The following FUT8 variants were observed in gnomAD, a reference collection of about 807,000 sequenced individuals.
The protein encoded by FUT8 is alpha-(1,6)-fucosyltransferase.
Under a neutral mutation model 71.3 loss-of-function variants are expected in FUT8, and 29 were observed. That is an observed-to-expected ratio of 0.41 (90% confidence interval 0.30 to 0.55). The LOEUF (loss-of-function observed/expected upper bound fraction) is 0.55, where lower values mean the gene tolerates loss of function less well. FUT8 is among the 20% of genes least tolerant of loss of function. The pLI is 0.34. For missense variants in FUT8, 544 were observed against 702.1 expected, an observed-to-expected ratio of 0.77 and a Z score of 2.55; for synonymous variants, 254 against 239.3, an observed-to-expected ratio of 1.06 and a Z score of -0.57.
chr14:65,523,857 C>T (rs1427565604), intron 2 of FUT8, among the ~76,000 whole-genome samples: 2 of 152,150 alleles, frequency 1.3e-5, no homozygotes, highest in African/African-American at 4.8e-5. Flanking sequence ...TTGTTTTTGT[C>T]AGGTTTGTCA....
intron 7 of FUT8, among the ~76,000 whole-genome samples, chr14:65,679,667 G>A (rs1358146436): frequency 1.3e-5 from 2 of 152,088 alleles, no homozygotes; most frequent in East Asian, 3.9e-4. Context: ...ATCTCTTTGT[G>A]CATATATATT....
Position 65,451,344 on chromosome 14 carries a change from C to T in FUT8, c.-325-4277C>T, listed in dbSNP as rs574920985. Among the ~76,000 whole-genome samples the T allele has an allele frequency of 5.9e-5, 9 of 152,366 alleles. 1 individual carries two copies. In the South Asian group the frequency reaches 1.0e-3, roughly 18 times the overall value. ...GCATATGAGTGGGTGCCGGAACGGC[C>T]GGATGCTTTAGCCACAGCAGGAGTG... On this transcript the variant is annotated intron_variant, in intron 1 of 10. Coordinates refer to ENST00000673929, the MANE Select transcript of FUT8 (RefSeq NM_001371533.1).
chr14:65,616,949 T>TA, intron 5 of FUT8: 1 of 958,674 alleles, frequency 1.0e-6, no homozygotes, highest in Non-Finnish European at 1.5e-6. Context: ...TGCTAAATAA[T>TA]ATGAAGTTTA....
chr14:65,729,034 G>GTTTTTTTT (rs557668131), intron 9 of FUT8, among the ~76,000 whole-genome samples: 24 of 103,666 alleles, frequency 2.3e-4, no homozygotes, highest in African/African-American at 3.9e-4. Flanking sequence ...TTGTAAACAT[G>GTTTTTTTT]TTTTTTTTTT....
At chr14:65,432,465 TC>T (rs1175532639) in intron 1 of FUT8, among the ~76,000 whole-genome samples, 1 of 151,974 alleles carries the variant, frequency 6.6e-6, no homozygotes, top group Non-Finnish European at 1.5e-5. Flanking sequence ...ATCTTTGTAT[TC>T]CCCGTCAGAT....
chr14:65,677,151 T>TGTGCGTGTGTGTGTGTGCGC, intron 7 of FUT8, among the ~76,000 whole-genome samples: 1 of 110,702 alleles, frequency 9.0e-6, no homozygotes, highest in Non-Finnish European at 1.8e-5. Flanking sequence ...TGTGTGTGTG[T>TGTGCGTGTGTGTGTGTGCGC]GCGCGCGCGC....
At chr14:65,429,832 C>A (rs1254315708) in intron 1 of FUT8, among the ~76,000 whole-genome samples, 5 of 142,090 alleles carry the variant, frequency 3.5e-5, no homozygotes, top group African/African-American at 1.3e-4. Context: ...CCACTGCGCT[C>A]CAGCCTGGAT....
chr14:65,717,676 C>T (rs1020143362), intron 7 of FUT8, among the ~76,000 whole-genome samples: 5 of 148,630 alleles, frequency 3.4e-5, no homozygotes, highest in African/African-American at 5.0e-5. Flanking sequence ...CCAGACGGGG[C>T]GGCTGGGCAG....
At chr14:65,685,612 G>A (rs1893250194) in intron 7 of FUT8, among the ~76,000 whole-genome samples, 1 of 152,340 alleles carries the variant, frequency 6.6e-6, no homozygotes, top group Admixed American at 6.5e-5. Flanking sequence ...GAGCAGCCCT[G>A]AGGGCTGCTG....
chr14:65,523,875 A>T (rs1478095636), intron 2 of FUT8, among the ~76,000 whole-genome samples: 1 of 152,106 alleles, frequency 6.6e-6, no homozygotes, highest in African/African-American at 2.4e-5. Flanking sequence ...TCAAGATCAG[A>T]TGGTTGTAGA....
chr14:65,397,616 G>T, the FUT8 span, among the ~76,000 whole-genome samples: 5 of 152,210 alleles, frequency 3.3e-5, no homozygotes, highest in African/African-American at 1.2e-4. The surrounding 1 kb of genome is among the most constrained non-coding windows in gnomAD (Gnocchi z 4.2). Flanking sequence ...GCGTGTGTGT[G>T]TGCACACGTG....
chr14:65,663,663 G>A (rs1892075535), intron 6 of FUT8, among the ~76,000 whole-genome samples: 1 of 151,964 alleles, frequency 6.6e-6, no homozygotes, highest in African/African-American at 2.4e-5. Context: ...TCAGAATCAA[G>A]CATAATGGAT....
In FUT8 at chr14:65,660,324, C is replaced by G. The variant is rs1891897311; in HGVS notation, c.598-8919C>G. On this transcript the variant is annotated intron_variant, in intron 6 of 10. Transcript: ENST00000673929. This position sits in a 1 kb window ranked among gnomAD's most constrained non-coding sequence, Gnocchi z 4.1. ...TCTATTGGATTTATGGAATTTCCAT[C>G]TTTTAAAAATGACTTTAAAGCATTT... is the stretch of plus-strand genomic sequence containing the variant. 1.3e-5 allele frequency among the ~76,000 whole-genome samples: 2 copies of G among 152,120 alleles called. No homozygotes were observed. The highest frequency in any genetic ancestry group is 1.3e-4 in the Admixed American group (2 of 15,262).
chr14:65,449,607 G>C (rs901736660), intron 1 of FUT8, among the ~76,000 whole-genome samples: 1 of 152,148 alleles, frequency 6.6e-6, no homozygotes, highest in East Asian at 1.9e-4. Context: ...TTGGCCCATA[G>C]CTAGAAGACA....
intron 5 of FUT8, among the ~76,000 whole-genome samples, chr14:65,619,979 A>G (rs997527833): frequency 2.6e-5 from 4 of 152,106 alleles, no homozygotes; most frequent in Non-Finnish European, 5.9e-5. Context: ...GTGTACCTCA[A>G]CCTCTAAGCA....
rs1896580942 is a variant in FUT8, at chr14:65,742,999, A to G, written c.*589A>G. On this transcript the variant is annotated 3_prime_UTR_variant, in exon 11 of 11. Transcript: ENST00000673929. The stretch of plus-strand genomic sequence containing the variant: ...ATTGCATCAGTTCATTGACCTCATC[A>G]TTAATAAGTGAAGAATACATCAGAA... 6.6e-6 allele frequency: 1 copy of G among 150,414 alleles called. No homozygotes were observed. Among genetic ancestry groups the G allele is most frequent in the Admixed American group, 6.7e-5 (1 of 15,020 alleles). 9.3% of individuals were successfully genotyped at this position (150,414 alleles called of 1,614,324 possible).
At chr14:65,552,420 A>T (rs891817138) in intron 2 of FUT8, among the ~76,000 whole-genome samples, 1 of 152,182 alleles carries the variant, frequency 6.6e-6, no homozygotes, top group African/African-American at 2.4e-5. Flanking sequence ...GAGTGAATGG[A>T]TCATAGTGTT....
At chr14:65,442,429 C>G (rs1373243071) in intron 1 of FUT8, among the ~76,000 whole-genome samples, 1 of 151,890 alleles carries the variant, frequency 6.6e-6, no homozygotes, top group Admixed American at 6.6e-5. Flanking sequence ...TTCAGCCTCC[C>G]AAAGTGCTGG....
chr14:65,688,520 CAAAAAAA>C lies in FUT8; in HGVS notation c.835+19059_835+19065del, dbSNP rs34293733. Among the ~76,000 whole-genome samples, 230 of 55,148 alleles carry C rather than the reference CAAAAAAA, an allele frequency of 4.2e-3. 1 individual carries two copies. Among genetic ancestry groups the C allele is most frequent in the Non-Finnish European group, 5.5e-3 (167 of 30,534 alleles). The allele number at this position is 55,148 out of a possible 152,430, so 36.2% of individuals were successfully genotyped here. A position where few individuals can be genotyped will look rare whatever the true frequency, so the allele number is the denominator to read the frequency against. ...GTGCTGGAACTGGACATCCACATGC[CAAAAAAA>C]AAAAAAAAAAAAAAAAAAGGCAGGG... On this transcript the variant is annotated intron_variant, in intron 7 of 10. Transcript: ENST00000673929.
Sources: allele counts gnomAD v4.1 joint callset (sites outside exome capture counted in the v4.1 genomes callset), GRCh38; gene constraint gnomAD v4.1.1; non-coding constraint Gnocchi (gnomAD v3.1); transcripts MANE v1.5; gene names NCBI Gene and HGNC (gene_info 2026-07-23, HGNC 2026-07-21).